C19orf47: variants seen among roughly 807,000 people sequenced by gnomAD.
C19orf47 encodes uncharacterized protein C19orf47.
In C19orf47, 18 loss-of-function variants were observed where a neutral mutation model predicts 32.3. That is an observed-to-expected ratio of 0.56 (90% CI 0.39 to 0.83). C19orf47 has a LOEUF of 0.83. Ranked by LOEUF, C19orf47 falls within the 40% of genes least tolerant of loss-of-function variation. The pLI, the probability that C19orf47 is intolerant of heterozygous loss-of-function variation, is 0.00. For synonymous variants in C19orf47, 202 were observed against 211.1 expected, an observed-to-expected ratio of 0.96 and a Z score of 0.37; for missense variants, 484 against 531.6, an observed-to-expected ratio of 0.91 and a Z score of 0.88.
the C19orf47 span, among the ~76,000 whole-genome samples, chr19:40,314,156 G>A: frequency 9.9e-5 from 15 of 152,236 alleles, no homozygotes; most frequent in South Asian, 4.2e-4. Context: ...GGCTGGGTGC[G>A]GTGGTTCACG....
intron 2 of C19orf47, among the ~76,000 whole-genome samples, chr19:40,337,531 A>G (rs2078089539): frequency 6.6e-6 from 1 of 152,076 alleles, no homozygotes; most frequent in South Asian, 2.1e-4. Context: ...ACTAGGATCT[A>G]CTTCATGACT....
At chr19:40,299,247 A>G in the C19orf47 span, among the ~76,000 whole-genome samples, 3 of 152,124 alleles carry the variant, frequency 2.0e-5, no homozygotes, top group Non-Finnish European at 4.4e-5. Flanking sequence ...GCCTTTTAAT[A>G]ATTACCCTGG....
intron 2 of C19orf47, among the ~76,000 whole-genome samples, chr19:40,337,288 AATTATTATTATTATTATT>A (rs57061818): frequency 7.0e-6 from 1 of 143,216 alleles, no homozygotes; most frequent in African/African-American, 2.6e-5. Flanking sequence ...CCATGACAGC[AATTATTATTATTATTATT>A]ATTATTATTA....
chr19:40,338,308 CATATATAT>C (rs888883493), intron 2 of C19orf47, among the ~76,000 whole-genome samples: 1 of 148,268 alleles, frequency 6.7e-6, no homozygotes, highest in African/African-American at 2.5e-5. Flanking sequence ...TATATATACA[CATATATAT>C]ACACAAATAT....
chr19:40,337,548 G>A (rs1165929028), intron 2 of C19orf47, among the ~76,000 whole-genome samples: 2 of 151,952 alleles, frequency 1.3e-5, no homozygotes, highest in Non-Finnish European at 2.9e-5. Flanking sequence ...GACTGACAGT[G>A]TGCCATAGTT....
the C19orf47 span, among the ~76,000 whole-genome samples, chr19:40,310,739 G>A: frequency 1.3e-5 from 2 of 152,124 alleles, no homozygotes; most frequent in African/African-American, 2.4e-5. Context: ...AACCATCTGA[G>A]TAAGAAAATA....
At chr19:40,348,420 C>G (rs1296008600), upstream of C19orf47, 73 of 1,496,030 alleles carry the variant, frequency 4.9e-5, no homozygotes, top group Non-Finnish European at 6.1e-5. Flanking sequence ...CTGCCCGCCC[C>G]GGAAGCATCC....
intron 1 of C19orf47, among the ~76,000 whole-genome samples, chr19:40,346,288 C>T (rs1213402320): frequency 6.9e-6 from 1 of 145,696 alleles, no homozygotes; most frequent in Non-Finnish European, 1.5e-5. Flanking sequence ...ACTAAAAATA[C>T]AAAAATTAGC....
chr19:40,312,365 G>T, the C19orf47 span, among the ~76,000 whole-genome samples: 1 of 152,222 alleles, frequency 6.6e-6, no homozygotes, highest in Admixed American at 6.5e-5. Flanking sequence ...CCAATATGGT[G>T]AAACCCCATC....
chr19:40,316,294 T>A (rs922224759), downstream of C19orf47, among the ~76,000 whole-genome samples: 1 of 152,200 alleles, frequency 6.6e-6, no homozygotes, highest in Non-Finnish European at 1.5e-5. Context: ...TATCCACTGA[T>A]GTGGGCTACC....
In C19orf47 at chr19:40,345,848, C is replaced by CAAA. The variant is rs35848570; in HGVS notation, c.-34+2473_-34+2475dup. ...TGGGCAACAGAGCAAGACTCAGTCT[C>CAAA]AAAAAAAAAAAAAAAAAAAGGAAAG... On this transcript the variant is annotated intron_variant, in intron 1 of 8. Transcript: ENST00000683109. Among the ~76,000 whole-genome samples, 48 of 75,190 alleles carry CAAA rather than the reference C, an allele frequency of 6.4e-4. 2 individuals carry two copies. Among genetic ancestry groups the CAAA allele is most frequent in the African/African-American group, 2.2e-3 (37 of 16,896 alleles). The allele number at this position is 75,190 out of a possible 152,430, so 49.3% of individuals were successfully genotyped here. A position where few individuals can be genotyped will look rare whatever the true frequency, so the allele number is the denominator to read the frequency against.
At chr19:40,294,103 G>C in the C19orf47 span, among the ~76,000 whole-genome samples, 1 of 152,122 alleles carries the variant, frequency 6.6e-6, no homozygotes, top group African/African-American at 2.4e-5. Context: ...CTGGGCGACA[G>C]AGCAATAATC....
intron 5 of C19orf47, among the ~76,000 whole-genome samples, chr19:40,329,847 C>A (rs2077912234): frequency 6.6e-6 from 1 of 152,150 alleles, no homozygotes; most frequent in Admixed American, 6.5e-5. Flanking sequence ...TAGCTGAGTG[C>A]AATAGGATCA....
the C19orf47 span, among the ~76,000 whole-genome samples, chr19:40,297,107 G>A: frequency 4.6e-5 from 7 of 152,122 alleles, no homozygotes; most frequent in Non-Finnish European, 2.9e-5. Flanking sequence ...TACATCTTTG[G>A]TAAATAAAAC....
In C19orf47 at chr19:40,341,897, G is replaced by T; in HGVS notation, c.-33-7C>A. 6.5e-7 allele frequency: 1 copy of T among 1,536,236 alleles called. No individual in the cohort carries two copies. The highest frequency in any genetic ancestry group is 8.7e-7 in the Non-Finnish European group (1 of 1,146,892). On this transcript the variant is annotated splice_polypyrimidine_tract_variant and splice_region_variant and intron_variant, in intron 1 of 8. Transcript: ENST00000683109. ...TGACACTGCTCCCTGGAGCCTGAAA[G>T]AGAAGAGAGGAGAGAGCCCATGAGC...
rs745899352 is a variant in C19orf47 at position 40,328,472 on chromosome 19, G to A, written c.380C>T (p.Thr127Ile). The A allele has an allele frequency of 4.3e-6, 7 of 1,612,518 alleles. No homozygotes were observed. The highest frequency in any genetic ancestry group is 5.1e-6 in the Non-Finnish European group (6 of 1,179,276). The change falls in exon 6 of 9, where the codon ACC becomes ATC. Residue 127 changes from threonine to isoleucine, a missense_variant. Around this residue, in one of 3 missense-constraint regions of C19orf47, gnomAD observed 376 missense variants for 370.2 expected, o/e 1.02. Transcript: ENST00000683109. ...GGACACAGTGACCGAGATCTTGGAG[G>A]TGCTGGTGTCCGGGCGCCTGGGGGG... ...STPPRRPDTSTSKISVTVSNK... is the reference protein window; with the variant it reads ...STPPRRPDTSISKISVTVSNK...
At chr19:40,345,806 G>A (rs1014412106) in intron 1 of C19orf47, among the ~76,000 whole-genome samples, 27 of 132,682 alleles carry the variant, frequency 2.0e-4, no homozygotes, top group African/African-American at 6.1e-4. Context: ...CCAAGATTAC[G>A]CCACTTCACT....
the C19orf47 span, among the ~76,000 whole-genome samples, chr19:40,308,443 C>T: frequency 6.6e-6 from 1 of 151,370 alleles, no homozygotes; most frequent in Non-Finnish European, 1.5e-5. Context: ...GTGTGAGCCA[C>T]CACGCCCAGC....
At position 40,341,971 on chromosome 19, in the gene C19orf47, A is replaced by T. The variant is rs2078186888; in HGVS notation, c.-33-81T>A. On this transcript the variant is annotated intron_variant, in intron 1 of 8. Coordinates refer to ENST00000683109, the MANE Select transcript of C19orf47 (RefSeq NM_001256441.2). The stretch of plus-strand genomic sequence containing the variant: ...CCCTCTCCTGTGCCTGTCTGTCTGC[A>T]TGCCAGAGGAATGTTCCTGGGCTAG... 12 of 1,532,834 alleles carry T rather than the reference A, an allele frequency of 7.8e-6. No homozygotes were observed. The South Asian group carries it at 1.3e-4, about 17-fold the overall frequency. The allele number at this position is 1,532,834 out of a possible 1,614,324, so 95.0% of individuals were successfully genotyped here.
Sources: gnomAD v4.1 joint callset for allele counts (sites outside exome capture counted in the v4.1 genomes callset) on GRCh38, gnomAD v4.1.1 for gene constraint, gnomAD v4.1.1 regional missense constraint, MANE v1.5 for transcripts, NCBI Gene and HGNC (gene_info 2026-07-23, HGNC 2026-07-21) for gene names.